A4GALT: variants seen among roughly 807,000 people sequenced by gnomAD.
The protein encoded by A4GALT is alpha 1,4-galactosyltransferase (P1PK blood group), also known as lactosylceramide 4-alpha-galactosyltransferase.
For missense variants in A4GALT, 512 were observed against 486.0 expected, an observed-to-expected ratio of 1.05 and a Z score of -0.50; for synonymous variants, 257 against 220.7, an observed-to-expected ratio of 1.16 and a Z score of -1.46.
intron 1 of A4GALT, among the ~76,000 whole-genome samples, chr22:42,715,367 G>A (rs756269931): frequency 2.6e-5 from 4 of 152,040 alleles, no homozygotes; most frequent in Non-Finnish European, 4.4e-5. Flanking sequence ...ACATCTTTGA[G>A]CATGTCCTTA....
chr22:42,693,508 CTCCCGCA>C lies in A4GALT; in HGVS notation c.437_443del (p.Leu146ArgfsTer57). 6.2e-7 allele frequency: 1 copy of C among 1,613,264 alleles called. No homozygotes were observed. Among genetic ancestry groups the C allele is most frequent in the Non-Finnish European group, 8.5e-7 (1 of 1,179,992 alleles). ...CGGCCAGGGGTGTGTCCCGGAACAG[CTCCCGCA>C]GGTCCAGCGGGAGCATCTGGACATT... On this transcript the variant is annotated frameshift_variant, in exon 3 of 3. Transcript: ENST00000642412. LOFTEE classifies it low-confidence loss of function (END_TRUNC).
chr22:42,696,797 C>A (rs984824353), intron 1 of A4GALT, among the ~76,000 whole-genome samples: 2 of 151,724 alleles, frequency 1.3e-5, no homozygotes, highest in African/African-American at 4.8e-5. Context: ...CTTCTCTCCC[C>A]GCCACCTGTG....
chr22:42,707,264 A>C (rs1313102004), intron 1 of A4GALT, among the ~76,000 whole-genome samples: 1 of 152,218 alleles, frequency 6.6e-6, no homozygotes, highest in Non-Finnish European at 1.5e-5. Flanking sequence ...AAATATTTTA[A>C]AAATTTATGA....
Position 42,692,802 on chromosome 22 carries a change from C to A in A4GALT, c.*88G>T, listed in dbSNP as rs1415675393. The A allele has an allele frequency of 1.3e-6, 2 of 1,527,088 alleles. No individual in the cohort carries two copies. Among genetic ancestry groups the A allele is most frequent in the Non-Finnish European group, 1.8e-6 (2 of 1,121,376 alleles). 94.6% of individuals were successfully genotyped at this position (1,527,088 alleles called of 1,614,324 possible). A position where few individuals can be genotyped will look rare whatever the true frequency, so the allele number is the denominator to read the frequency against. On this transcript the variant is annotated 3_prime_UTR_variant, in exon 3 of 3. Transcript: ENST00000642412. This position sits in a 1 kb window ranked among gnomAD's most constrained non-coding sequence, Gnocchi z 4.6. ...AAGCCCGGTGGCAGCTCGGGCCTCC[C>A]TCTCCCGGGCCCTCAATCTTGCCTC...
At chr22:42,714,273 T>TAAAAA (rs1921959617) in intron 1 of A4GALT, among the ~76,000 whole-genome samples, 1 of 13,284 alleles carries the variant, frequency 7.5e-5, no homozygotes, top group Non-Finnish European at 1.6e-4. Flanking sequence ...AGACTCTGTC[T>TAAAAA]CAAAAAAAAA....
Position 42,693,345 on chromosome 22 carries a change from T to G in A4GALT, c.607A>C (p.Asn203His). The G allele has an allele frequency of 6.2e-7, 1 of 1,613,188 alleles. No individual in the cohort carries two copies. The highest frequency in any genetic ancestry group is 2.2e-5 in the East Asian group (1 of 44,870). ...TDFIVLKNLR[N>H]LTNVLGTQSR... ...TGGGTGCCCAGCACGTTGGTCAGGT[T>G]CCGCAGGTTCTTGAGAACAATGAAG... The change falls in exon 3 of 3, where the codon AAC becomes CAC. Residue 203 changes from asparagine to histidine, a missense_variant. Transcript: ENST00000642412.
intron 1 of A4GALT, among the ~76,000 whole-genome samples, chr22:42,715,841 GTT>G (rs1382848896): frequency 2.1e-4 from 8 of 37,706 alleles, no homozygotes; most frequent in Non-Finnish European, 8.9e-4. Context: ...CTTTTTTTTT[GTT>G]TTTTTTGAGA....
chr22:42,706,172 G>T lies in A4GALT; in HGVS notation c.-187-10541C>A, dbSNP rs371795011. On this transcript the variant is annotated intron_variant, in intron 1 of 2. Coordinates refer to ENST00000642412, the MANE Select transcript of A4GALT (RefSeq NM_017436.7). ...AGATCGAGACCATCCTGGCTAACAC[G>T]GTGAAACCCCGTCTCTACTAAAAAT... 7.0e-5 allele frequency among the ~76,000 whole-genome samples: 9 copies of T among 129,000 alleles called. 2 individuals carry two copies. The highest frequency in any genetic ancestry group is 1.4e-4 in the Non-Finnish European group (8 of 57,610). 84.6% of individuals were successfully genotyped at this position (129,000 alleles called of 152,430 possible).
At position 42,692,932 on chromosome 22, in the gene A4GALT, G is replaced by A. The variant is rs1382389212; in HGVS notation, c.1020C>T (p.Arg340=). The change falls in exon 3 of 3, where the codon CGC becomes CGT. Residue 340 remains arginine, a synonymous_variant. Coordinates refer to ENST00000642412, the MANE Select transcript of A4GALT (RefSeq NM_017436.7). This position sits in a 1 kb window ranked among gnomAD's most constrained non-coding sequence, Gnocchi z 4.6. The stretch of plus-strand genomic sequence containing the variant: ...TGGCCTCGTGCGTCGTGGGGCAGTA[G>A]CGGGCATGCAGCTGGGCCAGCAGTG... ...SRALLAQLHA[R]YCPTTHEAMK... The A allele has an allele frequency of 4.3e-6, 7 of 1,609,260 alleles. No individual in the cohort carries two copies. The highest frequency in any genetic ancestry group is 4.0e-5 in the African/African-American group (3 of 74,938).
In A4GALT at chr22:42,705,157, C is replaced by G. The variant is rs1920980360; in HGVS notation, c.-187-9526G>C. On this transcript the variant is annotated intron_variant, in intron 1 of 2. Coordinates refer to ENST00000642412, the MANE Select transcript of A4GALT (RefSeq NM_017436.7). ...CCCAGAGAACTGTCCTGGCTTCTCT[C>G]CCAATTTCCACCAAAACCTCCTGTT... Among the ~76,000 whole-genome samples the G allele has an allele frequency of 2.6e-5, 4 of 152,156 alleles. No homozygotes were observed. The South Asian group carries it at 8.3e-4, about 32-fold the overall frequency.
At position 42,701,532 on chromosome 22, in the gene A4GALT, A is replaced by G. The variant is rs28915371; in HGVS notation, c.-187-5901T>C. ...CGCCGCAGCAGGAGAAAAAGGAGAAAAGTCACATGCACTGCTGTTCTGCAG... is the reference window on the plus strand; with the variant it reads ...CGCCGCAGCAGGAGAAAAAGGAGAAGAGTCACATGCACTGCTGTTCTGCAG... On this transcript the variant is annotated intron_variant, in intron 1 of 2. Transcript: ENST00000642412. Among the ~76,000 whole-genome samples, 830 of 152,298 alleles carry G rather than the reference A, an allele frequency of 5.4e-3. 5 individuals are homozygous for G. Among genetic ancestry groups the G allele is most frequent in the African/African-American group, 0.019 (800 of 41,564 alleles).
At chr22:42,712,091 C>A (rs908069832) in intron 1 of A4GALT, among the ~76,000 whole-genome samples, 8 of 152,180 alleles carry the variant, frequency 5.3e-5, no homozygotes, top group Non-Finnish European at 1.0e-4. Context: ...AAGTCACATG[C>A]CTTTAGCTCT....
chr22:42,693,031 C>T lies in A4GALT; in HGVS notation c.921G>A (p.Leu307=). 1 of 1,613,698 alleles carries T rather than the reference C, an allele frequency of 6.2e-7. No individual in the cohort carries two copies. Residue 307 remains leucine, a synonymous_variant, in exon 3 of 3, where the codon CTG becomes CTA. Transcript: ENST00000642412. ...CGTGGACAGCATAGGTGGCACTGAG[C>T]AGCCGCGGCAGCTCCTCGGGGTTGA... ...EDINPEELPR[L]LSATYAVHVW... is the part of the protein sequence containing the mutation.
chr22:42,717,304 T>G (rs1011882095), intron 1 of A4GALT, among the ~76,000 whole-genome samples: 3 of 152,184 alleles, frequency 2.0e-5, no homozygotes, highest in African/African-American at 7.2e-5. Flanking sequence ...CAGCCTGCTT[T>G]GAACCTGGCC....
chr22:42,711,805 TG>T (rs1250861391), intron 1 of A4GALT, among the ~76,000 whole-genome samples: 1 of 152,116 alleles, frequency 6.6e-6, no homozygotes, highest in Non-Finnish European at 1.5e-5. Flanking sequence ...GGCTAATTTT[TG>T]TATTTTTAGT....
chr22:42,716,074 C>T (rs1369062063), intron 1 of A4GALT, among the ~76,000 whole-genome samples: 4 of 152,124 alleles, frequency 2.6e-5, no homozygotes, highest in Admixed American at 6.5e-5. Flanking sequence ...TCAGGTGATC[C>T]GCCCGCTTCG....
Position 42,693,343 on chromosome 22 carries a change from G to A in A4GALT, c.609C>T (p.Asn203=). 1 of 1,613,236 alleles carries A rather than the reference G, an allele frequency of 6.2e-7. No individual in the cohort carries two copies. ...TDFIVLKNLR[N]LTNVLGTQSR... The stretch of plus-strand genomic sequence containing the variant: ...ACTGGGTGCCCAGCACGTTGGTCAG[G>A]TTCCGCAGGTTCTTGAGAACAATGA... The change falls in exon 3 of 3, where the codon AAC becomes AAT. Residue 203 remains asparagine (N), a synonymous_variant. Transcript: ENST00000642412.
chr22:42,708,930 C>T (rs1440219924), intron 1 of A4GALT, among the ~76,000 whole-genome samples: 1 of 151,622 alleles, frequency 6.6e-6, no homozygotes, highest in East Asian at 1.9e-4. Flanking sequence ...TATAAAAGGA[C>T]TACCATTACA....
chr22:42,710,468 G>A (rs1190838901), intron 1 of A4GALT, among the ~76,000 whole-genome samples: 1 of 152,032 alleles, frequency 6.6e-6, no homozygotes, highest in African/African-American at 2.4e-5. Context: ...GGCTGAGGCA[G>A]CCAGATTGCT....
Sources: gnomAD v4.1 joint callset for allele counts (sites outside exome capture counted in the v4.1 genomes callset) on GRCh38, gnomAD v4.1.1 for gene constraint, Gnocchi (gnomAD v3.1) non-coding constraint, MANE v1.5 for transcripts, NCBI Gene and HGNC (gene_info 2026-07-23, HGNC 2026-07-21) for gene names.